Variants in CCDC51 observed in about 807,000 individuals in gnomAD.
CCDC51 encodes mitochondrial potassium channel.
In CCDC51, 25 loss-of-function variants were observed where a neutral mutation model predicts 24.8. The observed-to-expected ratio is 1.01, with a 90% confidence interval of 0.73 to 1.41. The LOEUF is 1.41. CCDC51 is among the 40% of genes most tolerant of loss of function. The probability of loss-of-function intolerance (pLI) is 0.00; values close to 1 mark genes in which losing one functional copy is unlikely to be tolerated. For missense variants in CCDC51, 466 were observed against 519.1 expected (o/e 0.90, Z 0.99); for synonymous variants, 190 against 204.3 (o/e 0.93, Z 0.60).
the CCDC51 span, among the ~76,000 whole-genome samples, chr3:48,445,699 C>T: frequency 6.6e-5 from 10 of 152,200 alleles, no homozygotes; most frequent in East Asian, 1.9e-4. Flanking sequence ...ACATTATAGG[C>T]CCTGATAGCA....
At chr3:48,439,633 G>A (rs2039489883) in intron 1 of CCDC51, among the ~76,000 whole-genome samples, 1 of 151,966 alleles carries the variant, frequency 6.6e-6, no homozygotes, top group Non-Finnish European at 1.5e-5. Context: ...ACTCCATCTC[G>A]GGGGGAAAAG....
At chr3:48,440,162 G>C, upstream of CCDC51, 2 of 1,433,796 alleles carry the variant, frequency 1.4e-6, no homozygotes, top group Admixed American at 5.2e-5. Flanking sequence ...CGCCCCTGGA[G>C]CGCCGCATCC....
upstream of CCDC51, among the ~76,000 whole-genome samples, chr3:48,441,884 C>G (rs1318471841): frequency 6.6e-6 from 1 of 152,146 alleles, no homozygotes; most frequent in East Asian, 1.9e-4. Context: ...GGGTTTGATC[C>G]ATTATTGTTT....
chr3:48,433,783 C>T lies in CCDC51; in HGVS notation c.401G>A (p.Arg134Lys). 6.2e-7 allele frequency: 1 copy of T among 1,614,122 alleles called. No individual in the cohort carries two copies. The highest frequency in any genetic ancestry group is 8.5e-7 in the Non-Finnish European group (1 of 1,180,016). The part of the protein sequence containing the change: ...EVHQAKLKEV[R>K]DRLDRVSRED... ...CCTGGAGACACGGTCCAAGCGGTCC[C>T]TCACCTCCTTCAGCTTGGCCTGGTG... The change falls in exon 3 of 4, where the codon AGG (arginine) becomes AAG (lysine). Residue 134 changes from arginine (R) to lysine (K), a missense_variant. By Grantham distance (26) the Arg-to-Lys change is conservative. Transcript: ENST00000395694. The surrounding 1 kb of genome is among the most constrained non-coding windows in gnomAD (Gnocchi z 4.4).
chr3:48,437,797 T>A lies in CCDC51; in HGVS notation c.-9+2191A>T, dbSNP rs1109227. ...AACTCCCACCATACCTTCCCAACCA[T>A]CAGTAACTGCCCCATTTCCACCTCC... On this transcript the variant is annotated intron_variant, in intron 1 of 3. Transcript: ENST00000395694. This position sits in a 1 kb window ranked among gnomAD's most constrained non-coding sequence, Gnocchi z 4.2. 1 of 151,694 alleles carries A rather than the reference T, an allele frequency of 6.6e-6. No homozygotes were observed. The highest frequency in any genetic ancestry group is 2.4e-5 in the African/African-American group (1 of 41,220). 9.4% of individuals were successfully genotyped at this position (151,694 alleles called of 1,614,324 possible). A position where few individuals can be genotyped will look rare whatever the true frequency, so the allele number is the denominator to read the frequency against.
chr3:48,444,348 A>G (rs1312059082), upstream of CCDC51: 2 of 152,582 alleles, frequency 1.3e-5, no homozygotes, highest in Admixed American at 6.5e-5. Flanking sequence ...TCTCTGCTCA[A>G]TGCAACCTCC....
At chr3:48,440,161 A>G, upstream of CCDC51, 6 of 1,428,652 alleles carry the variant, frequency 4.2e-6, no homozygotes, top group Non-Finnish European at 5.6e-6. Flanking sequence ...CCGCCCCTGG[A>G]GCGCCGCATC....
At chr3:48,444,753 G>GCAAATTACATGATCCTT (rs1444880266), upstream of CCDC51, among the ~76,000 whole-genome samples, 1 of 152,182 alleles carries the variant, frequency 6.6e-6, no homozygotes, top group African/African-American at 2.4e-5. Context: ...GCAGGGCAGG[G>GCAAATTACATGATCCTT]CAAATTACAT....
chr3:48,440,341 G>A (rs1248786363), upstream of CCDC51: 1 of 1,611,800 alleles, frequency 6.2e-7, no homozygotes, highest in Non-Finnish European at 8.5e-7. Context: ...TGAGGACTGC[G>A]GGGACGGCGG....
At chr3:48,443,859 A>T, upstream of CCDC51, 1 of 1,560,848 alleles carries the variant, frequency 6.4e-7, no homozygotes, top group Non-Finnish European at 8.6e-7. Flanking sequence ...CACAGGTGGA[A>T]TTAAGAAATC....
chr3:48,440,287 G>T (rs371673403), upstream of CCDC51: 5 of 1,602,522 alleles, frequency 3.1e-6, no homozygotes, highest in Admixed American at 1.7e-5. Flanking sequence ...GGGAAGCGGC[G>T]GCAGGCGCCA....
chr3:48,442,428 G>A (rs989052648), upstream of CCDC51, among the ~76,000 whole-genome samples: 1 of 142,538 alleles, frequency 7.0e-6, no homozygotes, highest in Non-Finnish European at 1.5e-5. Context: ...CTTCTTTCCT[G>A]TATTAGGCAT....
At chr3:48,441,828 G>A (rs533720094), upstream of CCDC51, among the ~76,000 whole-genome samples, 3 of 152,220 alleles carry the variant, frequency 2.0e-5, no homozygotes, top group African/African-American at 7.2e-5. Flanking sequence ...TGGAGACAAG[G>A]ATGGTGGGAG....
In CCDC51 at chr3:48,440,081, C is replaced by T. The variant is rs967101729; in HGVS notation, c.-102G>A. ...TCCGATTCTACCCTGGCAGGACAAC[C>T]CTAGCTCCTCGTACCTGGCGTGGCC... On this transcript the variant is annotated 5_prime_UTR_variant, in exon 1 of 4. Transcript: ENST00000395694. The T allele has an allele frequency of 1.3e-6, 1 of 757,250 alleles. No homozygotes were observed. The highest frequency in any genetic ancestry group is 1.9e-5 in the South Asian group (1 of 51,648). The allele number at this position is 757,250 out of a possible 1,614,324, so 46.9% of individuals were successfully genotyped here.
upstream of CCDC51, chr3:48,440,315 A>C: frequency 6.2e-7 from 1 of 1,609,966 alleles, no homozygotes; most frequent in South Asian, 1.1e-5. Context: ...CCGCGAAGGT[A>C]AGTGTTCCGG....
upstream of CCDC51, chr3:48,440,557 A>G: frequency 6.2e-7 from 1 of 1,611,916 alleles, no homozygotes; most frequent in Non-Finnish European, 8.5e-7. Flanking sequence ...AAGGCTTTCA[A>G]GCAGAAACAA....
At position 48,437,016 on chromosome 3, in the gene CCDC51, C is replaced by T. The variant is rs904521928; in HGVS notation, c.-8-1880G>A. ...AATCCTGAGACCTCTCAGCCCTCAT[C>T]CTCTTCCTTCTACTGCCATACTCTG... On this transcript the variant is annotated intron_variant, in intron 1 of 3. Coordinates refer to ENST00000395694, the MANE Select transcript of CCDC51 (RefSeq NM_001256964.2). The surrounding 1 kb of genome is among the most constrained non-coding windows in gnomAD (Gnocchi z 4.2). Among the ~76,000 whole-genome samples, 2 of 152,208 alleles carry T rather than the reference C, an allele frequency of 1.3e-5. No homozygotes were observed. Among genetic ancestry groups the T allele is most frequent in the Non-Finnish European group, 2.9e-5 (2 of 68,040 alleles).
In CCDC51 at chr3:48,432,943, A is replaced by G. The variant is rs1357059792; in HGVS notation, c.701T>C (p.Leu234Pro). Residue 234 changes from leucine to proline, a missense_variant, in exon 4 of 4, where the codon CTC (leucine) becomes CCC (proline). Leu to Pro is a moderately conservative substitution (Grantham distance 98). Transcript: ENST00000395694. ...RVRLQELKAL[L>P]LEAQKGPVSL... Reference sequence around the variant, plus strand: ...CACAGGCCCCTTCTGCGCCTCCAGGAGTAAAGCCTTCAGCTCCTGTAGTCG... The same window carrying G: ...CACAGGCCCCTTCTGCGCCTCCAGGGGTAAAGCCTTCAGCTCCTGTAGTCG... 6.2e-7 allele frequency: 1 copy of G among 1,613,978 alleles called. No individual in the cohort carries two copies. Among genetic ancestry groups the G allele is most frequent in the East Asian group, 2.2e-5 (1 of 44,880 alleles).
In CCDC51 at chr3:48,433,203, C is replaced by CACA; in HGVS notation, c.478-40_478-38dup. The CACA allele has an allele frequency of 6.3e-7, 1 of 1,590,924 alleles. No homozygotes were observed. The highest frequency in any genetic ancestry group is 8.6e-7 in the Non-Finnish European group (1 of 1,167,168). ...AAGCCATGTTATTGGATTACATGGG[C>CACA]ACAAGGTGGCCCTGCAGCTATAGCC... On this transcript the variant is annotated intron_variant, in intron 3 of 3. Coordinates refer to ENST00000395694, the MANE Select transcript of CCDC51 (RefSeq NM_001256964.2). The surrounding 1 kb of genome is among the most constrained non-coding windows in gnomAD (Gnocchi z 4.4).
Sources: allele counts gnomAD v4.1 joint callset (sites outside exome capture counted in the v4.1 genomes callset), GRCh38; gene constraint gnomAD v4.1.1; non-coding constraint Gnocchi (gnomAD v3.1); transcripts MANE v1.5; gene names NCBI Gene and HGNC (gene_info 2026-07-23, HGNC 2026-07-21).